The following NCAM2 variants were observed in gnomAD, a reference collection of about 807,000 sequenced individuals.
NCAM2 encodes the protein neural cell adhesion molecule 2.
NCAM2 carries 30 observed loss-of-function variants against 98.1 expected under a neutral mutation model. The observed-to-expected ratio is 0.31, with a 90% CI of 0.23 to 0.41. The LOEUF is 0.41. NCAM2 is among the 10% of genes least tolerant of loss of function. The probability of loss-of-function intolerance (pLI) is 1.00; values close to 1 mark genes in which losing one functional copy is unlikely to be tolerated. For synonymous variants in NCAM2, 368 were observed against 342.4 expected, an observed-to-expected ratio of 1.07 and a Z score of -0.83; for missense variants, 867 against 1,005.8, an observed-to-expected ratio of 0.86 and a Z score of 1.87.
intron 9 of NCAM2, among the ~76,000 whole-genome samples, chr21:21,402,651 C>A (rs1185658602): frequency 6.6e-6 from 1 of 152,068 alleles, no homozygotes; most frequent in East Asian, 1.9e-4. Context: ...CTTTTGAAAT[C>A]CCTAATAAAA....
chr21:21,269,775 A>G (rs1309250132), intron 1 of NCAM2, among the ~76,000 whole-genome samples: 1 of 152,018 alleles, frequency 6.6e-6, no homozygotes, highest in African/African-American at 2.4e-5. Context: ...TCTCTACAAT[A>G]TTTTGTAGTA....
intron 12 of NCAM2, among the ~76,000 whole-genome samples, chr21:21,464,704 C>A (rs1398411009): frequency 6.6e-6 from 1 of 152,098 alleles, no homozygotes; most frequent in Non-Finnish European, 1.5e-5. Flanking sequence ...GTTAAATTTC[C>A]TCTTCTCATT....
intron 1 of NCAM2, among the ~76,000 whole-genome samples, chr21:21,274,550 C>T (rs1047968881): frequency 1.3e-5 from 2 of 151,866 alleles, no homozygotes; most frequent in Admixed American, 6.6e-5. Flanking sequence ...AATTAAATAA[C>T]GTAAATAATT....
intron 15 of NCAM2, among the ~76,000 whole-genome samples, chr21:21,486,161 G>A (rs8127183): frequency 0.27 from 40,293 of 151,610 alleles, 5,393 homozygotes; most frequent in South Asian, 0.35. Context: ...AAAATTAGCC[G>A]GGCGTGGTGG....
intron 1 of NCAM2, among the ~76,000 whole-genome samples, chr21:21,189,575 T>TA (rs982367225): frequency 1.3e-5 from 2 of 151,804 alleles, no homozygotes; most frequent in Non-Finnish European, 2.9e-5. Context: ...AAAAAATAAA[T>TA]AAAAAAAATA....
chr21:21,455,587 C>T (rs10482918), intron 12 of NCAM2, among the ~76,000 whole-genome samples: 5 of 151,926 alleles, frequency 3.3e-5, no homozygotes, highest in African/African-American at 9.6e-5. Context: ...ATCAAAATAA[C>T]GTGTAATCTT....
chr21:21,091,010 G>C (rs1177592557), intron 1 of NCAM2, among the ~76,000 whole-genome samples: 1 of 152,042 alleles, frequency 6.6e-6, no homozygotes, highest in African/African-American at 2.4e-5. Flanking sequence ...TGATTTATTT[G>C]TTTACTTGAA....
intron 16 of NCAM2, among the ~76,000 whole-genome samples, chr21:21,530,246 AAT>A (rs1342911842): frequency 8.1e-6 from 1 of 123,792 alleles, no homozygotes; most frequent in African/African-American, 3.0e-5. Context: ...AATTTAAATT[AAT>A]TATATATAAT....
intron 1 of NCAM2, among the ~76,000 whole-genome samples, chr21:21,001,095 T>C (rs927413445): frequency 2.6e-5 from 4 of 152,174 alleles, no homozygotes; most frequent in Non-Finnish European, 1.5e-5. Context: ...GGTGTGCAGT[T>C]AGACTGAGGA....
At chr21:21,383,043 T>G (rs1342082069) in intron 9 of NCAM2, among the ~76,000 whole-genome samples, 1 of 152,194 alleles carries the variant, frequency 6.6e-6, no homozygotes, top group Admixed American at 6.5e-5. Context: ...CTAGGTCATT[T>G]TAGTATTTGC....
At chr21:21,266,961 G>T (rs551319435) in intron 1 of NCAM2, among the ~76,000 whole-genome samples, 1 of 152,074 alleles carries the variant, frequency 6.6e-6, no homozygotes, top group African/African-American at 2.4e-5. Context: ...TTGTGTCATA[G>T]GAGTTCATTG....
At chr21:21,485,090 A>T (rs778350120) in intron 15 of NCAM2, among the ~76,000 whole-genome samples, 9 of 152,146 alleles carry the variant, frequency 5.9e-5, no homozygotes. Flanking sequence ...ATTTATATAA[A>T]ACATAAGCAT....
chr21:21,343,358 T>TACACACACACAAACACAC (rs2075099338), intron 8 of NCAM2, among the ~76,000 whole-genome samples: 1 of 120,800 alleles, frequency 8.3e-6, no homozygotes, highest in African/African-American at 3.0e-5. Context: ...TCTATACACA[T>TACACACACACAAACACAC]ACACACACAC....
chr21:20,999,058 A>C (rs1355199499), intron 1 of NCAM2, among the ~76,000 whole-genome samples: 1 of 152,160 alleles, frequency 6.6e-6, no homozygotes, highest in Non-Finnish European at 1.5e-5. Flanking sequence ...TGCTGTGTGC[A>C]AGACGTTCGA....
chr21:21,259,170 C>T (rs1470330754), intron 1 of NCAM2, among the ~76,000 whole-genome samples: 1 of 152,098 alleles, frequency 6.6e-6, no homozygotes, highest in East Asian at 1.9e-4. Flanking sequence ...AAGAGTGGGG[C>T]CCAACTTCCC....
intron 1 of NCAM2, among the ~76,000 whole-genome samples, chr21:21,057,102 A>G (rs1366450491): frequency 6.6e-6 from 1 of 152,106 alleles, no homozygotes; most frequent in South Asian, 2.1e-4. Context: ...TGAAAGATTG[A>G]AAGAAAGACC....
intron 15 of NCAM2, among the ~76,000 whole-genome samples, chr21:21,506,201 A>G (rs1349125848): frequency 6.6e-6 from 1 of 152,162 alleles, no homozygotes; most frequent in Non-Finnish European, 1.5e-5. Context: ...CATCATGTGA[A>G]TGTATACACC....
intron 1 of NCAM2, among the ~76,000 whole-genome samples, chr21:21,210,178 A>G (rs1275679653): frequency 1.3e-5 from 2 of 152,226 alleles, no homozygotes; most frequent in South Asian, 2.1e-4. Context: ...TTACATTGAG[A>G]CATTTTATTA....
At chr21:21,426,036 G>A (rs566301428) in intron 11 of NCAM2, among the ~76,000 whole-genome samples, 2 of 152,148 alleles carry the variant, frequency 1.3e-5, no homozygotes, top group East Asian at 3.9e-4. Flanking sequence ...TGCCTTCTGT[G>A]TGTCCTTATA....
Sources: gnomAD v4.1 joint callset for allele counts (sites outside exome capture counted in the v4.1 genomes callset) on GRCh38, gnomAD v4.1.1 for gene constraint, MANE v1.5 for transcripts, NCBI Gene and HGNC (gene_info 2026-07-23, HGNC 2026-07-21) for gene names.